The following AHCYL2 variants were observed in gnomAD, a reference collection of about 807,000 sequenced individuals.
AHCYL2 encodes adenosylhomocysteinase like 2.
A neutral mutation model predicts 81.4 loss-of-function variants in AHCYL2; 28 were observed. The observed-to-expected ratio is 0.34, with a 90% confidence interval of 0.25 to 0.47. The LOEUF is 0.47. AHCYL2 is among the 20% of genes least tolerant of loss of function. AHCYL2 has a pLI of 1.00. For synonymous variants in AHCYL2, 272 were observed against 290.2 expected (o/e 0.94, Z 0.64); for missense variants, 551 against 785.1 (o/e 0.70, Z 3.56).
In AHCYL2 at chr7:129,346,510, G is replaced by A. The variant is rs182281937; in HGVS notation, c.364-33128G>A. 7.4e-4 allele frequency among the ~76,000 whole-genome samples: 112 copies of A among 152,242 alleles called. 1 individual carries two copies. Among genetic ancestry groups the A allele is most frequent in the African/African-American group, 2.6e-3 (109 of 41,548 alleles). On this transcript the variant is annotated intron_variant, in intron 1 of 16. Coordinates refer to ENST00000325006, the MANE Select transcript of AHCYL2 (RefSeq NM_015328.4). Reference sequence around the variant, plus strand: ...AACTCACCAAAGAAGATATATAGATGTCAAATAAGCATCTAAAAAGATGCT... The same window carrying A: ...AACTCACCAAAGAAGATATATAGATATCAAATAAGCATCTAAAAAGATGCT...
intron 1 of AHCYL2, among the ~76,000 whole-genome samples, chr7:129,355,331 G>C (rs1793701054): frequency 6.6e-6 from 1 of 152,180 alleles, no homozygotes; most frequent in South Asian, 2.1e-4. Context: ...CTGAGAAAAT[G>C]TGTGTTAGAT....
chr7:129,262,484 A>G (rs1192649643), intron 1 of AHCYL2, among the ~76,000 whole-genome samples: 1 of 152,184 alleles, frequency 6.6e-6, no homozygotes, highest in Non-Finnish European at 1.5e-5. Context: ...GAAAAGCCTC[A>G]CTGCGCATCC....
chr7:129,336,450 G>A (rs2150809563), intron 1 of AHCYL2, among the ~76,000 whole-genome samples: 1 of 152,204 alleles, frequency 6.6e-6, no homozygotes, highest in South Asian at 2.1e-4. Context: ...CAGAATAAGT[G>A]TTACAAATTT....
At chr7:129,377,298 T>C (rs930941639) in intron 1 of AHCYL2, among the ~76,000 whole-genome samples, 7 of 152,232 alleles carry the variant, frequency 4.6e-5, no homozygotes, top group Admixed American at 3.3e-4. Context: ...TTGGAATAAA[T>C]TGCTAGTTGA....
intron 1 of AHCYL2, among the ~76,000 whole-genome samples, chr7:129,262,938 C>T (rs779857561): frequency 8.6e-5 from 13 of 151,952 alleles, no homozygotes; most frequent in South Asian, 6.2e-4. Context: ...GGTTGGAATA[C>T]GGAATAGGAG....
In AHCYL2 at chr7:129,368,624, A is replaced by G. The variant is rs1037147452; in HGVS notation, c.364-11014A>G. On this transcript the variant is annotated intron_variant, in intron 1 of 16. Coordinates refer to ENST00000325006, the MANE Select transcript of AHCYL2 (RefSeq NM_015328.4). The surrounding 1 kb of genome is among the most constrained non-coding windows in gnomAD (Gnocchi z 4.4). ...GAGGCAACCATTTCTGACGGGTGAC[A>G]AGGATCACCTCTGAGAAGCTCCTAC... 3.2e-6 allele frequency: 5 copies of G among 1,558,430 alleles called. No homozygotes were observed. The African/African-American group carries it at 5.4e-5, about 17-fold the overall frequency.
intron 1 of AHCYL2, among the ~76,000 whole-genome samples, chr7:129,235,361 C>T (rs1048630437): frequency 6.6e-5 from 10 of 151,992 alleles, no homozygotes; most frequent in Admixed American, 5.9e-4. Flanking sequence ...GCTTCCACCT[C>T]TGAACCTAAA....
chr7:129,379,818 C>A, intron 2 of AHCYL2, 69 bp downstream of exon 2: 1 of 1,192,518 alleles, frequency 8.4e-7, no homozygotes, highest in South Asian at 1.4e-5. Flanking sequence ...GCCCTCCTGT[C>A]TATCCAAGGC....
intron 1 of AHCYL2, among the ~76,000 whole-genome samples, chr7:129,263,386 G>T (rs564859243): frequency 6.6e-6 from 1 of 152,310 alleles, no homozygotes; most frequent in Admixed American, 6.5e-5. Context: ...AGCAAGTCAT[G>T]TGGCCAAACT....
intron 1 of AHCYL2, among the ~76,000 whole-genome samples, chr7:129,251,201 T>G (rs982707572): frequency 6.6e-6 from 1 of 152,214 alleles, no homozygotes; most frequent in South Asian, 2.1e-4. Context: ...TATACCTTGA[T>G]TGGTAAGCCT....
At chr7:129,233,727 C>T (rs914875936) in intron 1 of AHCYL2, among the ~76,000 whole-genome samples, 1 of 152,160 alleles carries the variant, frequency 6.6e-6, no homozygotes, top group Non-Finnish European at 1.5e-5. Context: ...CCTCGTGATC[C>T]GCCCTCCTCA....
chr7:129,386,032 A>G (rs1223981985), intron 2 of AHCYL2, among the ~76,000 whole-genome samples: 1 of 152,216 alleles, frequency 6.6e-6, no homozygotes, highest in Non-Finnish European at 1.5e-5. Context: ...ATAATTCAGC[A>G]ATAACCTTTC....
At chr7:129,341,130 A>G (rs768552748) in intron 1 of AHCYL2, among the ~76,000 whole-genome samples, 16 of 152,216 alleles carry the variant, frequency 1.1e-4, no homozygotes, top group East Asian at 1.9e-4. Context: ...TGGCACATAC[A>G]TAAGGAGAGC....
intron 1 of AHCYL2, among the ~76,000 whole-genome samples, chr7:129,379,336 T>C (rs73465341): frequency 0.014 from 2,006 of 148,362 alleles, 43 homozygotes; most frequent in African/African-American, 0.046. Context: ...ACATAGTAGG[T>C]AAAGAATGAG....
At chr7:129,235,868 T>C (rs554636572) in intron 1 of AHCYL2, among the ~76,000 whole-genome samples, 75 of 152,344 alleles carry the variant, frequency 4.9e-4, no homozygotes, top group African/African-American at 1.4e-3. Flanking sequence ...CTTAAACCAT[T>C]CTTCCATTGA....
intron 4 of AHCYL2, among the ~76,000 whole-genome samples, chr7:129,394,401 T>C: frequency 6.6e-6 from 1 of 151,432 alleles, no homozygotes. Flanking sequence ...GAAGGAACTT[T>C]TAATCTGACT....
intron 12 of AHCYL2, among the ~76,000 whole-genome samples, chr7:129,422,559 T>A (rs1393581852): frequency 6.6e-6 from 1 of 152,204 alleles, no homozygotes; most frequent in Non-Finnish European, 1.5e-5. Flanking sequence ...GCAGAAACCA[T>A]GTCTTTGGTT....
intron 1 of AHCYL2, among the ~76,000 whole-genome samples, chr7:129,371,191 T>C (rs1038867992): frequency 6.6e-6 from 1 of 152,226 alleles, no homozygotes; most frequent in African/African-American, 2.4e-5. Context: ...ATTTACATAT[T>C]AGTGTAATGA....
intron 1 of AHCYL2, among the ~76,000 whole-genome samples, chr7:129,358,663 T>C (rs1793828487): frequency 6.6e-6 from 1 of 152,190 alleles, no homozygotes; most frequent in Non-Finnish European, 1.5e-5. Flanking sequence ...GTTTTGGAGA[T>C]GGATGGTGGT....
Sources: gnomAD v4.1 joint callset for allele counts (sites outside exome capture counted in the v4.1 genomes callset) on GRCh38, gnomAD v4.1.1 for gene constraint, Gnocchi (gnomAD v3.1) non-coding constraint, MANE v1.5 for transcripts, NCBI Gene and HGNC (gene_info 2026-07-23, HGNC 2026-07-21) for gene names.